The following STK32C variants were observed in gnomAD, a reference collection of about 807,000 sequenced individuals.
STK32C encodes the protein serine/threonine kinase 32C, also known as serine/threonine-protein kinase 32C.
A neutral mutation model predicts 56.5 loss-of-function variants in STK32C; 31 were observed. The observed-to-expected ratio is 0.55, with a 90% CI of 0.41 to 0.74. STK32C has a LOEUF of 0.74. Ranked by LOEUF, STK32C falls within the 30% of genes least tolerant of loss-of-function variation. The pLI is 0.00. For synonymous variants in STK32C, 309 were observed against 289.4 expected, an observed-to-expected ratio of 1.07 and a Z score of -0.69; for missense variants, 544 against 676.9, an observed-to-expected ratio of 0.80 and a Z score of 2.18.
intron 1 of STK32C, among the ~76,000 whole-genome samples, chr10:132,295,260 ATCC>A (rs1304557832): frequency 6.6e-6 from 1 of 152,204 alleles, no homozygotes; most frequent in East Asian, 1.9e-4. Flanking sequence ...GTCTAACACC[ATCC>A]TCCTAACAAA....
intron 1 of STK32C, among the ~76,000 whole-genome samples, chr10:132,300,918 C>T (rs925377606): frequency 3.9e-5 from 6 of 152,314 alleles, no homozygotes; most frequent in Non-Finnish European, 8.8e-5. Flanking sequence ...TCCAGTTATA[C>T]ACAGACAGCA....
intron 4 of STK32C, 127 bp from the exon 5 acceptor site, chr10:132,225,911 T>G: frequency 8.0e-7 from 1 of 1,254,946 alleles, no homozygotes; most frequent in Non-Finnish European, 1.1e-6. Flanking sequence ...GCCTGGGAGC[T>G]TGACTTGGTC....
intron 1 of STK32C, among the ~76,000 whole-genome samples, chr10:132,248,438 T>C (rs2137957810): frequency 6.6e-6 from 1 of 152,316 alleles, no homozygotes; most frequent in Non-Finnish European, 1.5e-5. Flanking sequence ...GCCTACAGCT[T>C]GGGGAGATGA....
At chr10:132,231,294 G>GC (rs35196383) in intron 2 of STK32C, among the ~76,000 whole-genome samples, 104,413 of 152,150 alleles carry the variant, frequency 0.69, 36,544 homozygotes, top group Admixed American at 0.77. Flanking sequence ...GAAACAAACT[G>GC]CCTGGATGGT....
At chr10:132,249,150 C>G (rs1005504957) in intron 1 of STK32C, 4 of 124,312 alleles carry the variant, frequency 3.2e-5, no homozygotes, top group East Asian at 4.1e-4. Flanking sequence ...GTGCAGGGGG[C>G]GGGGCGTGCA....
At chr10:132,245,874 A>G (rs2063669962) in intron 2 of STK32C, 26 bp downstream of exon 2, 1 of 1,609,458 alleles carries the variant, frequency 6.2e-7, no homozygotes, top group Non-Finnish European at 8.5e-7. Flanking sequence ...CCCTCAGCCC[A>G]GTCCCCACCC....
At chr10:132,288,838 ATG>A (rs2065487875) in intron 1 of STK32C, among the ~76,000 whole-genome samples, 1 of 152,208 alleles carries the variant, frequency 6.6e-6, no homozygotes, top group African/African-American at 2.4e-5. Flanking sequence ...TACCATGTTC[ATG>A]GATTGAAAAA....
At chr10:132,279,908 ACACTCCGTGATCACGCTGAGGCCTC>A (rs1297607359) in intron 1 of STK32C, among the ~76,000 whole-genome samples, 1 of 92,784 alleles carries the variant, frequency 1.1e-5, no homozygotes, top group Non-Finnish European at 2.1e-5. Flanking sequence ...CCATGCCCCT[ACACTCCGTGATCACGCTGAGGCCTC>A]CACACCGTGA....
At chr10:132,331,806 G>A (rs145910073) in exon 1 of STK32C, 28,936 of 1,592,240 alleles carry the variant, frequency 0.018, 468 homozygotes, top group South Asian at 0.047. Flanking sequence ...CTACTTGCCC[G>A]TCGACCACCA....
intron 1 of STK32C, chr10:132,330,174 A>C: frequency 2.3e-6 from 1 of 434,066 alleles, no homozygotes; most frequent in East Asian, 4.3e-5. Flanking sequence ...AGCACAGTAA[A>C]GGGCAAAACA....
intron 1 of STK32C, among the ~76,000 whole-genome samples, chr10:132,271,347 G>C (rs546385022): frequency 2.0e-5 from 3 of 152,184 alleles, no homozygotes; most frequent in Non-Finnish European, 4.4e-5. Context: ...CAGCACACCT[G>C]GCAAGAGACC....
At chr10:132,210,892 C>G (rs1290965579) in intron 10 of STK32C, among the ~76,000 whole-genome samples, 1 of 152,242 alleles carries the variant, frequency 6.6e-6, no homozygotes, top group East Asian at 1.9e-4. Context: ...CTTCCTAGCC[C>G]TGAGTGGGGA....
downstream of STK32C, chr10:132,323,972 C>A: frequency 4.6e-6 from 2 of 436,578 alleles, no homozygotes; most frequent in Non-Finnish European, 8.3e-6. The surrounding 1 kb of genome is among the most constrained non-coding windows in gnomAD (Gnocchi z 4.8). Flanking sequence ...CCGGAGAGAG[C>A]GGGAAGCCAC....
chr10:132,219,098 C>T (rs1565067515), intron 10 of STK32C, among the ~76,000 whole-genome samples: 2 of 152,296 alleles, frequency 1.3e-5, no homozygotes, highest in East Asian at 3.9e-4. Flanking sequence ...TCTTACATTA[C>T]ATGAAAAGGT....
chr10:132,234,017 G>A (rs747248255), intron 2 of STK32C, among the ~76,000 whole-genome samples: 4 of 152,198 alleles, frequency 2.6e-5, no homozygotes, highest in African/African-American at 9.6e-5. Context: ...GCATGCAAGC[G>A]ATCGTTCCGA....
intron 10 of STK32C, among the ~76,000 whole-genome samples, chr10:132,221,024 GA>G (rs2062620961): frequency 2.0e-5 from 3 of 152,242 alleles, no homozygotes; most frequent in African/African-American, 7.2e-5. Context: ...TTACGACTCA[GA>G]TCCATCTCAG....
At chr10:132,231,571 C>T (rs1189139415) in intron 2 of STK32C, among the ~76,000 whole-genome samples, 1 of 152,206 alleles carries the variant, frequency 6.6e-6, no homozygotes, top group Admixed American at 6.5e-5. Flanking sequence ...ACAGCAGGCC[C>T]GAGTGCGTCC....
At position 132,277,190 on chromosome 10, in the gene STK32C, C is replaced by T. The variant is rs922033612; in HGVS notation, c.262+30382G>A. The stretch of plus-strand genomic sequence containing the variant: ...GCACAAGTTTGTGGATTCTGGGCTG[C>T]GTGTCTTGGCCAGGACCATCAAAAC... On this transcript the variant is annotated intron_variant, in intron 1 of 11. Transcript: ENST00000298630. 5.3e-5 allele frequency among the ~76,000 whole-genome samples: 8 copies of T among 152,346 alleles called. No individual in the cohort carries two copies. In the South Asian group the frequency reaches 6.2e-4, roughly 12 times the overall value.
upstream of STK32C, among the ~76,000 whole-genome samples, chr10:132,309,337 G>A (rs61159401): frequency 0.36 from 54,485 of 151,518 alleles, 11,939 homozygotes; most frequent in African/African-American, 0.61. Context: ...ACATGCACCC[G>A]CCTGGACATG....
Sources: gnomAD v4.1 joint callset for allele counts (sites outside exome capture counted in the v4.1 genomes callset) on GRCh38, gnomAD v4.1.1 for gene constraint, Gnocchi (gnomAD v3.1) non-coding constraint, MANE v1.5 for transcripts, NCBI Gene and HGNC (gene_info 2026-07-23, HGNC 2026-07-21) for gene names.